The following ANO3 variants were observed in gnomAD, a reference collection of about 807,000 sequenced individuals.
ANO3 encodes the protein anoctamin 3.
Under a neutral mutation model 144.8 loss-of-function variants are expected in ANO3, and 99 were observed. That is an observed-to-expected ratio of 0.68 (90% CI 0.58 to 0.81). ANO3 has a LOEUF of 0.81. Ranked by LOEUF, ANO3 falls within the 30% of genes least tolerant of loss-of-function variation. ANO3 has a pLI of 0.00. For missense variants in ANO3, 905 were observed against 1,202.2 expected, an observed-to-expected ratio of 0.75 and a Z score of 3.66; for synonymous variants, 414 against 392.6, an observed-to-expected ratio of 1.05 and a Z score of -0.64.
At chr11:26,261,200 G>A (rs1853180196) in intron 1 of ANO3, among the ~76,000 whole-genome samples, 1 of 151,948 alleles carries the variant, frequency 6.6e-6, no homozygotes, top group Non-Finnish European at 1.5e-5. Context: ...ACTTTGGGAT[G>A]GCTTTTCACT....
At chr11:26,546,410 AGAG>A (rs1167189327) in intron 11 of ANO3, among the ~76,000 whole-genome samples, 1 of 151,980 alleles carries the variant, frequency 6.6e-6, no homozygotes, top group Non-Finnish European at 1.5e-5. Context: ...AATAGTTTTC[AGAG>A]AAGAGAAGGC....
intron 1 of ANO3, among the ~76,000 whole-genome samples, chr11:26,194,922 A>G (rs1470816942): frequency 6.6e-6 from 1 of 152,228 alleles, no homozygotes; most frequent in Non-Finnish European, 1.5e-5. Context: ...TACAATGCAT[A>G]ATAATCACAT....
intron 1 of ANO3, among the ~76,000 whole-genome samples, chr11:26,310,448 T>C (rs1854479458): frequency 6.6e-6 from 1 of 152,188 alleles, no homozygotes; most frequent in South Asian, 2.1e-4. Context: ...TTGGCCATAC[T>C]TGCAGGAGAA....
At chr11:26,605,341 G>C (rs1851906086) in intron 17 of ANO3, among the ~76,000 whole-genome samples, 1 of 152,002 alleles carries the variant, frequency 6.6e-6, no homozygotes, top group African/African-American at 2.4e-5. Flanking sequence ...GAGGATTTTT[G>C]CACCAATGTT....
chr11:26,464,711 A>G (rs953957163), intron 4 of ANO3, among the ~76,000 whole-genome samples: 33 of 151,800 alleles, frequency 2.2e-4, no homozygotes, highest in African/African-American at 7.0e-4. Flanking sequence ...ACAGACCACA[A>G]TAGGTCAATC....
chr11:26,564,408 A>C (rs996031580), intron 14 of ANO3, among the ~76,000 whole-genome samples: 11 of 136,906 alleles, frequency 8.0e-5, no homozygotes, highest in African/African-American at 3.0e-4. Flanking sequence ...ACTGGAAGTG[A>C]GTTCTTGGAG....
chr11:26,554,989 T>C (rs1850043800), intron 13 of ANO3, among the ~76,000 whole-genome samples: 1 of 152,170 alleles, frequency 6.6e-6, no homozygotes, highest in East Asian at 1.9e-4. Flanking sequence ...GAGGTCTCCA[T>C]ACAATTAATT....
intron 6 of ANO3, among the ~76,000 whole-genome samples, chr11:26,520,399 TGC>T: frequency 1.3e-5 from 2 of 152,068 alleles, no homozygotes; most frequent in Admixed American, 6.6e-5. Context: ...ATGGAACATG[TGC>T]AGTTACTATC....
intron 1 of ANO3, among the ~76,000 whole-genome samples, chr11:26,350,139 A>G (rs1855605594): frequency 6.6e-6 from 1 of 152,168 alleles, no homozygotes; most frequent in South Asian, 2.1e-4. Context: ...CCCAAATTTT[A>G]GAAGCCAATT....
chr11:26,216,024 C>T (rs1852029672), intron 1 of ANO3, among the ~76,000 whole-genome samples: 1 of 151,962 alleles, frequency 6.6e-6, no homozygotes, highest in Non-Finnish European at 1.5e-5. Flanking sequence ...AGATTCCATT[C>T]ATTTCCAAAT....
chr11:26,441,114 T>TG (rs1351372961), intron 1 of ANO3, among the ~76,000 whole-genome samples: 2 of 107,740 alleles, frequency 1.9e-5, no homozygotes, highest in African/African-American at 3.6e-5. Flanking sequence ...CAGTTTTTTT[T>TG]TTTTTTTTTT....
At chr11:26,379,244 G>A (rs1360584141) in intron 1 of ANO3, among the ~76,000 whole-genome samples, 6 of 152,138 alleles carry the variant, frequency 3.9e-5, no homozygotes, top group Non-Finnish European at 8.8e-5. Context: ...CAAAGATGTA[G>A]GTGGACCATA....
intron 1 of ANO3, among the ~76,000 whole-genome samples, chr11:26,192,350 G>T (rs759145763): frequency 6.6e-6 from 1 of 152,092 alleles, no homozygotes; most frequent in African/African-American, 2.4e-5. Context: ...TGAAAATGAG[G>T]TGATAGCCAA....
At chr11:26,266,929 AAG>A (rs1853322849) in intron 1 of ANO3, among the ~76,000 whole-genome samples, 1 of 150,046 alleles carries the variant, frequency 6.7e-6, no homozygotes, top group African/African-American at 2.4e-5. Context: ...AAAATACAAA[AAG>A]AAAAAAAAAA....
chr11:26,467,888 A>C (rs1859655307), intron 4 of ANO3, among the ~76,000 whole-genome samples: 2 of 152,078 alleles, frequency 1.3e-5, no homozygotes, highest in South Asian at 2.1e-4. Flanking sequence ...GAACATTCCC[A>C]AAAATCCATA....
At chr11:26,639,073 T>G in intron 20 of ANO3, 71 bp from the exon 21 acceptor site, 1 of 1,045,720 alleles carries the variant, frequency 9.6e-7, no homozygotes, top group African/African-American at 1.6e-5. Flanking sequence ...GCTGTACAAT[T>G]TAATGGTGGG....
chr11:26,360,581 C>A (rs1458096859), intron 1 of ANO3, among the ~76,000 whole-genome samples: 1 of 152,112 alleles, frequency 6.6e-6, no homozygotes, highest in Non-Finnish European at 1.5e-5. Flanking sequence ...GGTGGATCAA[C>A]CTCTCTGTAG....
In ANO3 at chr11:26,227,248, A is replaced by C. The variant is rs149041424; in HGVS notation, c.154+37918A>C. On this transcript the variant is annotated intron_variant, in intron 1 of 27. Transcript: ENST00000672621. ...TTGGGCTATTGTGAATAAAGTTGTT[A>C]AAAACATGAATAATTTATATTATTG... 4.2e-3 allele frequency among the ~76,000 whole-genome samples: 641 copies of C among 152,270 alleles called. 3 individuals carry two copies. The highest frequency in any genetic ancestry group is 0.01 in the Middle Eastern group (3 of 294).
At position 26,647,432 on chromosome 11, in the gene ANO3, C is replaced by T. The variant is rs570122367; in HGVS notation, c.2429-277C>T. 2.6e-4 allele frequency among the ~76,000 whole-genome samples: 39 copies of T among 152,254 alleles called. 1 individual carries two copies. The South Asian group carries it at 8.1e-3, about 32-fold the overall frequency. On this transcript the variant is annotated intron_variant, in intron 23 of 26. Transcript: ENST00000256737. ...ATTAGACTTTGAAATATCTTGTGCA[C>T]CTGTGCACCTGTGCCATGTCTCATT...
Sources: gnomAD v4.1 joint callset for allele counts (sites outside exome capture counted in the v4.1 genomes callset) on GRCh38, gnomAD v4.1.1 for gene constraint, MANE v1.5 for transcripts, NCBI Gene and HGNC (gene_info 2026-07-23, HGNC 2026-07-21) for gene names.